RYR1: variants seen among roughly 807,000 people sequenced by gnomAD.
The protein encoded by RYR1 is ryanodine receptor 1.
Under a neutral mutation model 583.5 loss-of-function variants are expected in RYR1, and 342 were observed. The ratio of observed to expected loss-of-function variants is 0.59; its 90% confidence interval spans 0.54 to 0.64. The LOEUF (loss-of-function observed/expected upper bound fraction) is 0.64, where lower values mean the gene tolerates loss of function less well. Among genes scored for constraint, RYR1 ranks in the 30% least tolerant of loss-of-function variants. RYR1 has a pLI of 0.00. For synonymous variants in RYR1, 2,791 were observed against 2,822.5 expected (o/e 0.99, Z 0.35); for missense variants, 6,032 against 6,917.2 (o/e 0.87, Z 4.54).
At chr19:38,478,652 G>A in intron 31 of RYR1, 52 bp downstream of exon 31, 1 of 1,595,524 alleles carries the variant, frequency 6.3e-7, no homozygotes, top group East Asian at 2.2e-5. Flanking sequence ...CAGCATCCCA[G>A]GACAGCTCTT....
chr19:38,540,228 A>ACT (rs1260908834), intron 84 of RYR1, among the ~76,000 whole-genome samples: 7 of 152,002 alleles, frequency 4.6e-5, no homozygotes, highest in African/African-American at 1.7e-4. Context: ...TAATCCCAGC[A>ACT]CTTTAGGAGG....
rs187725704 is a variant in RYR1, at chr19:38,471,729, C to T, written c.3766-1648C>T. ...CAGCCTGGCCAACATAGTGAAACCC[C>T]GTCTCTTCTAAAAATACAAAAAATT... is the stretch of plus-strand genomic sequence containing the variant. On this transcript the variant is annotated intron_variant, in intron 27 of 105. Transcript: ENST00000359596. 1.5e-3 allele frequency among the ~76,000 whole-genome samples: 229 copies of T among 151,742 alleles called. No individual in the cohort carries two copies. In the Middle Eastern group the frequency reaches 0.041, roughly 27 times the overall value.
chr19:38,464,241 C>T (rs148973870), intron 22 of RYR1, among the ~76,000 whole-genome samples: 1,609 of 126,194 alleles, frequency 0.013, 35 homozygotes, highest in African/African-American at 0.046. Flanking sequence ...CACACTACTG[C>T]ACTCCAGCCT....
chr19:38,506,768 C>G, intron 56 of RYR1, 61 bp from the exon 57 acceptor site: 1 of 1,613,090 alleles, frequency 6.2e-7, no homozygotes, highest in Non-Finnish European at 8.5e-7. Flanking sequence ...GCAGGAACCA[C>G]TTCAGTGAGA....
At chr19:38,503,137 A>G (rs1395283454) in intron 49 of RYR1, among the ~76,000 whole-genome samples, 167 bp downstream of exon 49, 1 of 152,116 alleles carries the variant, frequency 6.6e-6, no homozygotes, top group Non-Finnish European at 1.5e-5. Flanking sequence ...TTTGCATACT[A>G]GGATTCCCAG....
chr19:38,579,951 C>T (rs1297524747), intron 99 of RYR1, 31 bp from the exon 100 acceptor site: 8 of 1,613,714 alleles, frequency 5.0e-6, no homozygotes, highest in Non-Finnish European at 5.1e-6. Context: ...TCCCTGCCTT[C>T]CCCCTGACCC....
chr19:38,475,417 C>T lies in RYR1; in HGVS notation c.4260C>T (p.Arg1420=), dbSNP rs776585397. ...LPHDVVPADN[R]DDPEIILNTT... ...ACGACGTGGTGCCTGCAGACAACCG[C>T]GATGACCCCGAGATCATCCTCAACA... The change falls in exon 29 of 106, where the codon CGC becomes CGT. Residue 1420 remains arginine (R), a synonymous_variant. Coordinates refer to ENST00000359596, the MANE Select transcript of RYR1 (RefSeq NM_000540.3). 1.5e-5 allele frequency: 25 copies of T among 1,613,760 alleles called. No homozygotes were observed. The East Asian group carries it at 3.6e-4, about 23-fold the overall frequency.
At chr19:38,468,327 ACCAT>A (rs1291061515) in intron 25 of RYR1, among the ~76,000 whole-genome samples, 1 of 148,920 alleles carries the variant, frequency 6.7e-6, no homozygotes, top group African/African-American at 2.5e-5. Flanking sequence ...CATCCAACCA[ACCAT>A]CCATCCATCC....
chr19:38,527,057 G>A lies in RYR1; in HGVS notation c.10686+5G>A, dbSNP rs745897440. 1.2e-6 allele frequency: 2 copies of A among 1,613,590 alleles called. No individual in the cohort carries two copies. Among genetic ancestry groups the A allele is most frequent in the South Asian group, 1.1e-5 (1 of 91,080 alleles). ...AACCTTCACCTTCAGGGAAAGGTATGCCTCCTTCCTCTGCAAGCAAAAGAA... is the reference window on the plus strand; with the variant it reads ...AACCTTCACCTTCAGGGAAAGGTATACCTCCTTCCTCTGCAAGCAAAAGAA... On this transcript the variant is annotated splice_donor_5th_base_variant and intron_variant, in intron 72 of 105. Coordinates refer to ENST00000359596, the MANE Select transcript of RYR1 (RefSeq NM_000540.3).
At position 38,469,997 on chromosome 19, in the gene RYR1, G is replaced by A. The variant is rs537360150; in HGVS notation, c.3765+484G>A. Among the ~76,000 whole-genome samples the A allele has an allele frequency of 2.0e-5, 3 of 152,008 alleles. 1 individual carries two copies. The South Asian group carries it at 6.2e-4, about 32-fold the overall frequency. Reference sequence around the variant, plus strand: ...AGACTGGAGGATTGCTTGATTCCAAGAGGTCAAGACTGCAGTGAATTAGCC... The same window carrying A: ...AGACTGGAGGATTGCTTGATTCCAAAAGGTCAAGACTGCAGTGAATTAGCC... On this transcript the variant is annotated intron_variant, in intron 27 of 105. Coordinates refer to ENST00000359596, the MANE Select transcript of RYR1 (RefSeq NM_000540.3).
intron 90 of RYR1, among the ~76,000 whole-genome samples, chr19:38,562,024 A>G (rs551175887): frequency 1.6e-3 from 242 of 151,718 alleles, no homozygotes; most frequent in African/African-American, 5.5e-3. Context: ...GTGTACCCCA[A>G]CTTATTCTGG....
Position 38,538,547 on chromosome 19 carries a change from A to G in RYR1, c.11689+587A>G, listed in dbSNP as rs17722057. ...CCAAATGGACAATTTGTCACATGCT[A>G]TTTTCCCACAGGCGCTCTGCAGTGG... is the stretch of plus-strand genomic sequence containing the variant. On this transcript the variant is annotated intron_variant, in intron 84 of 105. Coordinates refer to ENST00000359596, the MANE Select transcript of RYR1 (RefSeq NM_000540.3). The G allele has an allele frequency of 9.0e-3, 1,386 of 154,608 alleles. 40 individuals are homozygous for G. Among genetic ancestry groups the G allele is most frequent in the East Asian group, 0.077 (407 of 5,278 alleles). The allele number at this position is 154,608 out of a possible 1,614,324, so 9.6% of individuals were successfully genotyped here.
At position 38,565,822 on chromosome 19, in the gene RYR1, G is replaced by A; in HGVS notation, c.13437+51G>A. 2.9e-6 allele frequency: 4 copies of A among 1,362,288 alleles called. No homozygotes were observed. The South Asian group carries it at 5.3e-5, about 18-fold the overall frequency. The allele number at this position is 1,362,288 out of a possible 1,614,324, so 84.4% of individuals were successfully genotyped here. ...GTTTTGGAAAGATGGGGGATTGGAG[G>A]GAGGAAGAGAGCCCGGCTGGGTGGA... On this transcript the variant is annotated intron_variant, in intron 91 of 105. Transcript: ENST00000359596. This position sits in a 1 kb window ranked among gnomAD's most constrained non-coding sequence, Gnocchi z 4.7.
At position 38,489,257 on chromosome 19, in the gene RYR1, GGAGGAGGAC is replaced by G; in HGVS notation, c.5637_5645del (p.Asp1879_Glu1881del). The stretch of plus-strand genomic sequence containing the variant: ...CTGAGGTCTTCACTGAGGAAGAAGA[GGAGGAGGAC>G]GAGGAGGAAGAGGGTGAAGAGGAAG... On this transcript the variant is annotated inframe_deletion, in exon 35 of 106. Coordinates refer to ENST00000359596, the MANE Select transcript of RYR1 (RefSeq NM_000540.3). 1.2e-6 allele frequency: 2 copies of G among 1,611,942 alleles called. No homozygotes were observed. Among genetic ancestry groups the G allele is most frequent in the Non-Finnish European group, 8.5e-7 (1 of 1,178,518 alleles).
chr19:38,459,143 C>T lies in RYR1; in HGVS notation c.2168-3C>T, dbSNP rs1200809004. On this transcript the variant is annotated splice_polypyrimidine_tract_variant and splice_region_variant and intron_variant, in intron 18 of 105. Transcript: ENST00000359596. ...TCTGACCCATCTCTGGTGACTGATG[C>T]AGGACACGTGGCACGCCCAGTGACT... 1.2e-6 allele frequency: 2 copies of T among 1,612,576 alleles called. No homozygotes were observed. The highest frequency in any genetic ancestry group is 1.7e-6 in the Non-Finnish European group (2 of 1,179,834).
chr19:38,537,972 G>A lies in RYR1; in HGVS notation c.11689+12G>A. Reference sequence around the variant, plus strand: ...GGGGCACAATAATGGTGAGGAGGAGGGGTGTGGGGTGGAGGGGAAGCCGAG... The same window carrying A: ...GGGGCACAATAATGGTGAGGAGGAGAGGTGTGGGGTGGAGGGGAAGCCGAG... On this transcript the variant is annotated intron_variant, in intron 84 of 105. Coordinates refer to ENST00000359596, the MANE Select transcript of RYR1 (RefSeq NM_000540.3). 1 of 1,609,266 alleles carries A rather than the reference G, an allele frequency of 6.2e-7. No individual in the cohort carries two copies. The highest frequency in any genetic ancestry group is 2.2e-5 in the East Asian group (1 of 44,842).
At chr19:38,497,187 T>C (rs947679204) in intron 42 of RYR1, among the ~76,000 whole-genome samples, 1 of 149,246 alleles carries the variant, frequency 6.7e-6, no homozygotes, top group Non-Finnish European at 1.5e-5. Context: ...TGGGGGCAGG[T>C]CCACAGTCTA....
At position 38,512,404 on chromosome 19, in the gene RYR1, C is replaced by A; in HGVS notation, c.9393C>A (p.Tyr3131Ter). ...AAGGCGTGGGCCAGAACCTCACCTA[C>A]ACCACTGTGGCACTGCTGCCGGTCC... The part of the protein sequence containing the change: ...QVKGVGQNLT[Y>*]TTVALLPVLT... Residue 3131 changes from tyrosine to a stop codon, truncating the protein, a stop_gained, in exon 63 of 106, where the codon TAC becomes TAA. Transcript: ENST00000359596. LOFTEE classifies it high-confidence loss of function. The surrounding 1 kb of genome is among the most constrained non-coding windows in gnomAD (Gnocchi z 5.1). 1.2e-6 allele frequency: 2 copies of A among 1,613,986 alleles called. No homozygotes were observed. Among genetic ancestry groups the A allele is most frequent in the Non-Finnish European group, 8.5e-7 (1 of 1,180,038 alleles).
At position 38,552,408 on chromosome 19, in the gene RYR1, C is replaced by G. The variant is rs532353799; in HGVS notation, c.12282+3988C>G. ...TAGCTGGACTACAGGCATGCGCCAC[C>G]ACACCCAGCTAATTTTTGTATTTTT... On this transcript the variant is annotated intron_variant, in intron 89 of 105. Coordinates refer to ENST00000359596, the MANE Select transcript of RYR1 (RefSeq NM_000540.3). Among the ~76,000 whole-genome samples, 354 of 152,210 alleles carry G rather than the reference C, an allele frequency of 2.3e-3. 1 individual carries two copies. The highest frequency in any genetic ancestry group is 8.0e-3 in the African/African-American group (331 of 41,554).
Sources: allele counts gnomAD v4.1 joint callset (sites outside exome capture counted in the v4.1 genomes callset), GRCh38; gene constraint gnomAD v4.1.1; non-coding constraint Gnocchi (gnomAD v3.1); transcripts MANE v1.5; gene names NCBI Gene and HGNC (gene_info 2026-07-23, HGNC 2026-07-21).